SYNPO2: variants seen among roughly 807,000 people sequenced by gnomAD.
SYNPO2 encodes synaptopodin 2.
A neutral mutation model predicts 85.0 loss-of-function variants in SYNPO2; 56 were observed. The observed-to-expected ratio is 0.66, with a 90% CI of 0.53 to 0.82. The LOEUF (loss-of-function observed/expected upper bound fraction) is 0.82. SYNPO2 is among the 40% of genes least tolerant of loss of function. The pLI is 0.00. For synonymous variants in SYNPO2, 602 were observed against 591.1 expected (o/e 1.02, Z -0.27); for missense variants, 1,575 against 1,534.2 (o/e 1.03, Z -0.44).
In SYNPO2 at chr4:118,921,675, T is replaced by A. The variant is rs72909259; in HGVS notation, c.105+32534T>A. 3.9e-3 allele frequency among the ~76,000 whole-genome samples: 598 copies of A among 152,276 alleles called. 4 individuals are homozygous for A. Among genetic ancestry groups the A allele is most frequent in the African/African-American group, 0.013 (539 of 41,558 alleles). On this transcript the variant is annotated intron_variant, in intron 1 of 4. Transcript: ENST00000307142. The stretch of plus-strand genomic sequence containing the variant: ...AAGCTCTTTAATTTGGAAAAATAGA[T>A]CCTTTATTAATTATGTCTTGTCTAA...
intron 4 of SYNPO2, among the ~76,000 whole-genome samples, chr4:119,054,033 A>G (rs899346721): frequency 2.0e-5 from 3 of 152,084 alleles, no homozygotes; most frequent in Admixed American, 1.3e-4. Context: ...TTGATGCAGG[A>G]TTTTTTTTAG....
chr4:118,971,741 T>C (rs1735548087), intron 1 of SYNPO2, among the ~76,000 whole-genome samples: 1 of 152,166 alleles, frequency 6.6e-6, no homozygotes, highest in Admixed American at 6.5e-5. Flanking sequence ...AGCTTTTCCT[T>C]TTCAATGCAG....
At chr4:119,051,167 G>A (rs921726913) in intron 4 of SYNPO2, among the ~76,000 whole-genome samples, 1 of 148,234 alleles carries the variant, frequency 6.7e-6, no homozygotes, top group Non-Finnish European at 1.5e-5. Context: ...GAATCACTGG[G>A]GTAAAGCCAT....
intron 1 of SYNPO2, among the ~76,000 whole-genome samples, chr4:118,879,966 C>A (rs532642839): frequency 6.6e-6 from 1 of 152,066 alleles, no homozygotes; most frequent in Non-Finnish European, 1.5e-5. Context: ...CAGATCATCC[C>A]TGTCAGGACA....
At position 119,031,543 on chromosome 4, in the gene SYNPO2, T is replaced by A; in HGVS notation, c.2768T>A (p.Val923Glu). Residue 923 changes from valine (V) to glutamate (E), a missense_variant, in exon 4 of 5, where the codon GTG (valine) becomes GAG (glutamate). Coordinates refer to ENST00000307142, the MANE Select transcript of SYNPO2 (RefSeq NM_133477.3). Reference sequence around the variant, plus strand: ...TCCAATGTCCGAGCACCTCCTCCTGTGGCCTATAATCCTATCCACTCGCCG... The same window carrying A: ...TCCAATGTCCGAGCACCTCCTCCTGAGGCCTATAATCCTATCCACTCGCCG... ...YSSNVRAPPP[V>E]AYNPIHSPSY... 1.2e-6 allele frequency: 2 copies of A among 1,614,126 alleles called. No individual in the cohort carries two copies. The highest frequency in any genetic ancestry group is 1.7e-6 in the Non-Finnish European group (2 of 1,180,008).
upstream of SYNPO2, among the ~76,000 whole-genome samples, chr4:118,885,026 AG>A (rs1408733667): frequency 6.6e-6 from 1 of 152,242 alleles, no homozygotes; most frequent in Non-Finnish European, 1.5e-5. Flanking sequence ...CCGGAGGATG[AG>A]GAGAAATTAT....
intron 1 of SYNPO2, among the ~76,000 whole-genome samples, chr4:118,901,524 C>T (rs1253677583): frequency 1.3e-5 from 2 of 152,162 alleles, no homozygotes; most frequent in African/African-American, 2.4e-5. Flanking sequence ...GGAGCACAGG[C>T]GAAGAGTCAG....
At chr4:118,965,659 A>G (rs1735285232) in intron 1 of SYNPO2, among the ~76,000 whole-genome samples, 1 of 152,140 alleles carries the variant, frequency 6.6e-6, no homozygotes, top group Non-Finnish European at 1.5e-5. Context: ...CAGTCATTTG[A>G]CAATATTTAC....
intron 1 of SYNPO2, among the ~76,000 whole-genome samples, chr4:118,933,010 G>A (rs1351951873): frequency 1.3e-5 from 2 of 152,012 alleles, no homozygotes; most frequent in Admixed American, 1.3e-4. Context: ...TCTAGGAGGA[G>A]CACTAAGAAA....
intron 1 of SYNPO2, among the ~76,000 whole-genome samples, chr4:118,969,107 C>G (rs1197294620): frequency 6.6e-6 from 1 of 152,314 alleles, no homozygotes; most frequent in Admixed American, 6.5e-5. Flanking sequence ...TCAAGGGGCC[C>G]TTGCAGCTCC....
At chr4:118,945,507 T>C (rs2149139770) in intron 1 of SYNPO2, among the ~76,000 whole-genome samples, 1 of 152,316 alleles carries the variant, frequency 6.6e-6, no homozygotes, top group South Asian at 2.1e-4. Flanking sequence ...TCTATTAAGA[T>C]AAAAATGCTA....
intron 1 of SYNPO2, among the ~76,000 whole-genome samples, chr4:118,854,247 A>C (rs1731470237): frequency 1.3e-5 from 2 of 152,226 alleles, no homozygotes; most frequent in African/African-American, 4.8e-5. Flanking sequence ...TAACATGTAC[A>C]GCTGCAGAAA....
At chr4:118,881,024 C>T (rs376680584) in intron 1 of SYNPO2, among the ~76,000 whole-genome samples, 1 of 150,640 alleles carries the variant, frequency 6.6e-6, no homozygotes. Context: ...GGTTAAGGGC[C>T]GAACGTGGTG....
chr4:118,865,520 A>G (rs1336878655), intron 1 of SYNPO2, among the ~76,000 whole-genome samples: 3 of 152,250 alleles, frequency 2.0e-5, no homozygotes, highest in African/African-American at 7.2e-5. Context: ...TCAGGTTGGT[A>G]AGTGTCAGAG....
intron 1 of SYNPO2, among the ~76,000 whole-genome samples, chr4:118,981,221 A>G (rs1735996324): frequency 6.6e-6 from 1 of 152,222 alleles, no homozygotes; most frequent in South Asian, 2.1e-4. Flanking sequence ...GTGTGTTTTT[A>G]TCTGACCCAT....
intron 1 of SYNPO2, among the ~76,000 whole-genome samples, chr4:119,016,983 G>A (rs923427843): frequency 1.3e-5 from 2 of 152,084 alleles, no homozygotes; most frequent in Admixed American, 1.3e-4. Flanking sequence ...TGGTGACTTG[G>A]TCTCTGAGAG....
At position 118,879,004 on chromosome 4, in the gene SYNPO2, C is replaced by T. The variant is rs140583304; in HGVS notation, c.12+28064C>T. Among the ~76,000 whole-genome samples the T allele has an allele frequency of 9.9e-5, 15 of 152,224 alleles. No homozygotes were observed. The East Asian group carries it at 2.3e-3, about 24-fold the overall frequency. ...TCTGTGGCTTCACTCCTGAAGTCAGCGAGACCATGAACCCACAGGGAGGAA... is the reference window on the plus strand; with the variant it reads ...TCTGTGGCTTCACTCCTGAAGTCAGTGAGACCATGAACCCACAGGGAGGAA... On this transcript the variant is annotated intron_variant, in intron 1 of 4. Coordinates refer to the SYNPO2 transcript ENST00000610556.
intron 1 of SYNPO2, among the ~76,000 whole-genome samples, chr4:118,891,990 A>G (rs1388868699): frequency 1.3e-5 from 2 of 152,196 alleles, no homozygotes; most frequent in African/African-American, 4.8e-5. Flanking sequence ...TATAGAGTAA[A>G]AATCTAACAG....
chr4:118,881,243 A>C (rs986076566), intron 1 of SYNPO2, among the ~76,000 whole-genome samples: 1 of 151,040 alleles, frequency 6.6e-6, no homozygotes. Context: ...TGGAGGTTGC[A>C]GGGAGCCGAG....
Sources: gnomAD v4.1 joint callset for allele counts (sites outside exome capture counted in the v4.1 genomes callset) on GRCh38, gnomAD v4.1.1 for gene constraint, MANE v1.5 for transcripts, NCBI Gene and HGNC (gene_info 2026-07-23, HGNC 2026-07-21) for gene names.